Variants in TTN observed in about 807,000 individuals in gnomAD.
TTN encodes titin.
Under a neutral mutation model 3,223.0 loss-of-function variants are expected in TTN, and 1,525 were observed. The ratio of observed to expected loss-of-function variants is 0.47; its 90% confidence interval spans 0.45 to 0.49. The LOEUF is 0.49. Among genes scored for constraint, TTN ranks in the 20% least tolerant of loss-of-function variants. TTN has a pLI of 0.00. For missense variants in TTN, 40,786 were observed against 43,424.0 expected, an observed-to-expected ratio of 0.94 and a Z score of 5.40; for synonymous variants, 14,094 against 15,161.0, an observed-to-expected ratio of 0.93 and a Z score of 5.17.
chr2:178,782,506 C>T (rs760943520), intron 19 of TTN, 33 bp downstream of exon 19: 2 of 1,613,698 alleles, frequency 1.2e-6, no homozygotes, highest in Non-Finnish European at 8.5e-7. Context: ...CAAAATGGTA[C>T]TAGAACAGCT....
At position 178,570,390 on chromosome 2, in the gene TTN, T is replaced by C; in HGVS notation, c.75742A>G (p.Ser25248Gly). ...INYIVERRETSRLVWTVVDAN... is the reference protein window; with the variant it reads ...INYIVERRETGRLVWTVVDAN... The stretch of plus-strand genomic sequence containing the variant: ...TCAACCACAGTCCAAACTAAGCGGC[T>C]GGTTTCTCTCCTTTCCACAATATAA... The change falls in exon 326 of 363, where the codon AGC becomes GGC. Residue 25248 changes from serine to glycine, a missense_variant. By Grantham distance (56) the Ser-to-Gly change is moderately conservative. Transcript: ENST00000589042. 1 of 1,613,272 alleles carries C rather than the reference T, an allele frequency of 6.2e-7. No individual in the cohort carries two copies. The highest frequency in any genetic ancestry group is 1.1e-5 in the South Asian group (1 of 91,074).
chr2:178,681,765 A>T, intron 135 of TTN, 27 bp from the exon 136 acceptor site: 1 of 1,532,032 alleles, frequency 6.5e-7, no homozygotes, highest in Non-Finnish European at 8.8e-7. Flanking sequence ...AAGGTATTTC[A>T]TGTTAGACTT....
rs566232507 is a variant in TTN, at chr2:178,575,859, T to A, written c.70273A>T (p.Ser23425Cys). The A allele has an allele frequency of 1.9e-6, 3 of 1,613,570 alleles. No homozygotes were observed. In the Admixed American group the frequency reaches 5.0e-5, roughly 27 times the overall value. ...MTIENPAGKKSGFVNVRVLDT... is the reference protein window; with the variant it reads ...MTIENPAGKKCGFVNVRVLDT... ...AAGACTCTGACGTTCACAAAGCCAC[T>A]TTTCTTCCCAGCCGGGTTTTCAATG... The change falls in exon 326 of 363, where the codon AGT (serine) becomes TGT (cysteine). Residue 23425 changes from serine (S) to cysteine (C), a missense_variant. By Grantham distance (112) the Ser-to-Cys change is moderately radical. Coordinates refer to ENST00000589042, the MANE Select transcript of TTN (RefSeq NM_001267550.2). This position sits in a 1 kb window ranked among gnomAD's most constrained non-coding sequence, Gnocchi z 4.0.
At position 178,774,292 on chromosome 2, in the gene TTN, C is replaced by G. The variant is rs772147880; in HGVS notation, c.6972G>C (p.Thr2324=). ...ITSRRGRQNL[T]VKDVTKEDQG... is the part of the protein sequence containing the mutation. Reference sequence around the variant, plus strand: ...GGTCCTCCTTGGTTACATCCTTGACCGTGAGGTTCTGACGTCCACGACGAG... The same window carrying G: ...GGTCCTCCTTGGTTACATCCTTGACGGTGAGGTTCTGACGTCCACGACGAG... Residue 2324 remains threonine (T), a synonymous_variant, in exon 30 of 363, where the codon ACG becomes ACC. Transcript: ENST00000589042. The G allele has an allele frequency of 1.7e-5, 28 of 1,613,936 alleles. No individual in the cohort carries two copies. Among genetic ancestry groups the G allele is most frequent in the Non-Finnish European group, 4.2e-6 (5 of 1,179,992 alleles).
Position 178,634,873 on chromosome 2 carries a change from C to T in TTN, c.42025-24G>A, listed in dbSNP as rs558664428. Reference sequence around the variant, plus strand: ...GTCTGAAAAACAATAGTTTTAGTAACCATTTGAAAGAGATAAATTCCCTAT... The same window carrying T: ...GTCTGAAAAACAATAGTTTTAGTAATCATTTGAAAGAGATAAATTCCCTAT... On this transcript the variant is annotated intron_variant, in intron 228 of 362. Coordinates refer to ENST00000589042, the MANE Select transcript of TTN (RefSeq NM_001267550.2). The surrounding 1 kb of genome is among the most constrained non-coding windows in gnomAD (Gnocchi z 4.6). The T allele has an allele frequency of 7.5e-6, 12 of 1,599,004 alleles. No individual in the cohort carries two copies. The African/African-American group carries it at 9.5e-5, about 13-fold the overall frequency.
rs1480310272 is a variant in TTN at position 178,741,868 on chromosome 2, G to T, written c.11365C>A (p.Leu3789Ile). The T allele has an allele frequency of 1.3e-6, 2 of 1,584,818 alleles. No homozygotes were observed. The highest frequency in any genetic ancestry group is 1.7e-6 in the Non-Finnish European group (2 of 1,164,718). The change falls in exon 48 of 363, where the codon CTT (leucine) becomes ATT (isoleucine). Residue 3789 changes from leucine to isoleucine, a missense_variant. Leu to Ile is a conservative substitution (Grantham distance 5, BLOSUM62 2). Transcript: ENST00000589042. ...GTTTCATTTATTTTAGATAATTGAA[G>T]TTCGGCGCTATGAAGTCCTTCTTCC... ...AEEEGLHSAE[L>I]QLSKINETLE...
intron 133 of TTN, 68 bp downstream of exon 133, chr2:178,683,931 C>A: frequency 8.4e-7 from 1 of 1,188,530 alleles, no homozygotes; most frequent in South Asian, 1.8e-5. Flanking sequence ...GGAACCTATT[C>A]CACTAGATTA....
At position 178,784,085 on chromosome 2, in the gene TTN, G is replaced by T; in HGVS notation, c.2760C>A (p.His920Gln). 6.2e-7 allele frequency: 1 copy of T among 1,613,468 alleles called. No homozygotes were observed. Among genetic ancestry groups the T allele is most frequent in the Non-Finnish European group, 8.5e-7 (1 of 1,179,972 alleles). Residue 920 changes from histidine to glutamine, a missense_variant, in exon 16 of 363, where the codon CAC becomes CAA. His to Gln is a conservative substitution (Grantham distance 24, BLOSUM62 0). Coordinates refer to ENST00000589042, the MANE Select transcript of TTN (RefSeq NM_001267550.2). ...TVREERFEVLHGREAKVTETA... is the reference protein window; with the variant it reads ...TVREERFEVLQGREAKVTETA... ...AGTGACCAACCTTGGCTTCGCGTCC[G>T]TGCAGTACTTCAAAGCGCTCTTCAC...
intron 114 of TTN, 41 bp from the exon 115 acceptor site, chr2:178,695,451 G>A (rs1560451226): frequency 6.6e-7 from 1 of 1,524,422 alleles, no homozygotes; most frequent in Non-Finnish European, 9.1e-7. Context: ...TGCTTAAATA[G>A]GTAAGTTCTC....
chr2:178,542,516 C>T lies in TTN; in HGVS notation c.97240G>A (p.Ala32414Thr). Residue 32414 changes from alanine to threonine, a missense_variant, in exon 349 of 363, where the codon GCT becomes ACT. By Grantham distance (58) the Ala-to-Thr change is moderately conservative. Transcript: ENST00000589042. ...TGPIKIDEID[A>T]TSITISWEPP... is the part of the protein sequence containing the mutation. ...TCCCAGGAAATGGTAATTGATGTAG[C>T]ATCAATTTCATCAATCTTAATAGGT... 1 of 1,611,198 alleles carries T rather than the reference C, an allele frequency of 6.2e-7. No individual in the cohort carries two copies. Among genetic ancestry groups the T allele is most frequent in the South Asian group, 1.1e-5 (1 of 91,004 alleles).
In TTN at chr2:178,546,995, A is replaced by G. The variant is rs1177266934; in HGVS notation, c.94522+8T>C. On this transcript the variant is annotated splice_region_variant and intron_variant, in intron 340 of 362. Coordinates refer to ENST00000589042, the MANE Select transcript of TTN (RefSeq NM_001267550.2). ...TAAACAAATATGCCCTTAAATTGTGATACATACCAACTGGATTTTGAGCCA... is the reference window on the plus strand; with the variant it reads ...TAAACAAATATGCCCTTAAATTGTGGTACATACCAACTGGATTTTGAGCCA... 1.9e-6 allele frequency: 3 copies of G among 1,605,112 alleles called. No individual in the cohort carries two copies. Among genetic ancestry groups the G allele is most frequent in the African/African-American group, 2.7e-5 (2 of 74,590 alleles).
In TTN at chr2:178,595,605, T is replaced by G; in HGVS notation, c.57749A>C (p.Gln19250Pro). 10 of 1,593,296 alleles carry G rather than the reference T, an allele frequency of 6.3e-6. No homozygotes were observed. The highest frequency in any genetic ancestry group is 8.6e-6 in the Non-Finnish European group (10 of 1,168,722). Reference protein sequence around the residue: ...RQNATVQGLIQGKAYFFRIAA... With the variant: ...RQNATVQGLIPGKAYFFRIAA... Reference sequence around the variant, plus strand: ...AATTCGGAAAAAGTAGGCTTTTCCTTGAATGAGACCCTGGACAGTAGCATT... The same window carrying G: ...AATTCGGAAAAAGTAGGCTTTTCCTGGAATGAGACCCTGGACAGTAGCATT... Residue 19250 changes from glutamine (Q) to proline (P), a missense_variant, in exon 295 of 363, where the codon CAA (glutamine) becomes CCA (proline). By Grantham distance (76) the Gln-to-Pro change is moderately conservative. Coordinates refer to ENST00000589042, the MANE Select transcript of TTN (RefSeq NM_001267550.2).
rs772743551 is a variant in TTN at position 178,652,844 on chromosome 2, A to G, written c.38959+4T>C. 6.8e-6 allele frequency: 11 copies of G among 1,610,544 alleles called. No homozygotes were observed. Among genetic ancestry groups the G allele is most frequent in the South Asian group, 2.2e-5 (2 of 90,652 alleles). On this transcript the variant is annotated splice_donor_region_variant and intron_variant, in intron 200 of 362. Coordinates refer to ENST00000589042, the MANE Select transcript of TTN (RefSeq NM_001267550.2). ...TTCTGAAGCCTAAAGCCAGTGACAAATACCTTTAACAGGAGGGACTTCAGG... is the reference window on the plus strand; with the variant it reads ...TTCTGAAGCCTAAAGCCAGTGACAAGTACCTTTAACAGGAGGGACTTCAGG...
chr2:178,727,940 G>T, intron 67 of TTN, 77 bp from the exon 68 acceptor site: 2 of 1,459,192 alleles, frequency 1.4e-6, no homozygotes, highest in Non-Finnish European at 1.8e-6. Flanking sequence ...GGACATTTAA[G>T]AAAACACTCT....
rs1237051098 is a variant in TTN, at chr2:178,590,399, C to T, written c.61326G>A (p.Glu20442=). The T allele has an allele frequency of 7.5e-6, 12 of 1,605,388 alleles. No individual in the cohort carries two copies. In the African/African-American group the frequency reaches 1.5e-4, roughly 20 times the overall value. The change falls in exon 304 of 363, where the codon GAG becomes GAA. Residue 20442 remains glutamate (E), a synonymous_variant. Transcript: ENST00000589042. ...TAGCTGCCTTTATACGGAATCTGTA[C>T]TCATTTCCTTCAATTAGTCCAGGTA... ...FRVPGLIEGN[E]YRFRIKAANI... is the part of the protein sequence containing the mutation.
In TTN at chr2:178,740,902, C is replaced by T; in HGVS notation, c.12331G>A (p.Ala4111Thr). ...TCCAAAATGGATTGCAATTCCTGAGCTCCCAAAGGAAGCTGACTGCTCAAT... is the reference window on the plus strand; with the variant it reads ...TCCAAAATGGATTGCAATTCCTGAGTTCCCAAAGGAAGCTGACTGCTCAAT... ...NELSSQLPLGAQELQSILEQD... is the reference protein window; with the variant it reads ...NELSSQLPLGTQELQSILEQD... The change falls in exon 48 of 363, where the codon GCT becomes ACT. Residue 4111 changes from alanine (A) to threonine (T), a missense_variant. Transcript: ENST00000589042. The T allele has an allele frequency of 1.2e-6, 2 of 1,613,890 alleles. No homozygotes were observed. The highest frequency in any genetic ancestry group is 1.1e-5 in the South Asian group (1 of 91,082).
intron 257 of TTN, 57 bp from the exon 258 acceptor site, chr2:178,615,845 A>C: frequency 6.5e-7 from 1 of 1,542,320 alleles, no homozygotes. Context: ...TCGCCAACCC[A>C]AAAGATTTTT....
chr2:178,583,217 C>T lies in TTN; in HGVS notation c.65586G>A (p.Arg21862=), dbSNP rs766306603. 11 of 1,586,296 alleles carry T rather than the reference C, an allele frequency of 6.9e-6. No individual in the cohort carries two copies. The East Asian group carries it at 1.1e-4, about 16-fold the overall frequency. ...ATTTCATAGCCACACTCAGGTCTATCCTGGGAGGGACTGGAAAGAAATAAG... is the reference window on the plus strand; with the variant it reads ...ATTTCATAGCCACACTCAGGTCTATTCTGGGAGGGACTGGAAAGAAATAAG... The part of the protein sequence containing the change: ...VTILAENVPP[R]IDLSVAMKSL... Residue 21862 remains arginine (R), a synonymous_variant, in exon 313 of 363, where the codon AGG becomes AGA. Coordinates refer to ENST00000589042, the MANE Select transcript of TTN (RefSeq NM_001267550.2).
In TTN at chr2:178,618,605, A is replaced by G. The variant is rs563370509; in HGVS notation, c.46945T>C (p.Phe15649Leu). 7 of 1,612,052 alleles carry G rather than the reference A, an allele frequency of 4.3e-6. No individual in the cohort carries two copies. The African/African-American group carries it at 9.4e-5, about 22-fold the overall frequency. The change falls in exon 251 of 363, where the codon TTC (phenylalanine) becomes CTC (leucine). Residue 15649 changes from phenylalanine (F) to leucine (L), a missense_variant. By Grantham distance (22) the Phe-to-Leu change is conservative (BLOSUM62 0). Coordinates refer to ENST00000589042, the MANE Select transcript of TTN (RefSeq NM_001267550.2). ...LQNKHGKAEG[F>L]INLKVIDVPG... ...TTACCAATAACTTTTAAATTGATGA[A>G]TCCTTCTGCTTTTCCATGTTTGTTC...
Sources: allele counts gnomAD v4.1 joint callset, GRCh38; gene constraint gnomAD v4.1.1; non-coding constraint Gnocchi (gnomAD v3.1); transcripts MANE v1.5; gene names NCBI Gene and HGNC (gene_info 2026-07-23, HGNC 2026-07-21).